Variants in TAFA2 observed in about 807,000 individuals in gnomAD.
TAFA2 encodes chemokine-like protein TAFA-2.
In TAFA2, 7 loss-of-function variants were observed where a neutral mutation model predicts 18.8. The ratio of observed to expected loss-of-function variants is 0.37; its 90% CI spans 0.21 to 0.70. The LOEUF (loss-of-function observed/expected upper bound fraction) is 0.70, where lower values mean the gene tolerates loss of function less well. Ranked by LOEUF, TAFA2 falls within the 30% of genes least tolerant of loss-of-function variation. TAFA2 has a pLI of 0.53. For missense variants in TAFA2, 122 were observed against 158.1 expected (o/e 0.77, Z 1.23); for synonymous variants, 60 against 54.2 (o/e 1.11, Z -0.47).
At chr12:61,879,896 G>C in intron 1 of TAFA2, 1 of 913,886 alleles carries the variant, frequency 1.1e-6, no homozygotes, top group Non-Finnish European at 1.8e-6. Context: ...GATGGAGAAT[G>C]AATTTGTCCT....
intron 1 of TAFA2, among the ~76,000 whole-genome samples, chr12:62,060,335 G>T (rs1182968532): frequency 6.6e-6 from 1 of 152,128 alleles, no homozygotes; most frequent in Non-Finnish European, 1.5e-5. Flanking sequence ...GATCATAATG[G>T]AGCTGAAAAT....
chr12:62,040,069 TACC>T (rs1033910467), intron 1 of TAFA2, among the ~76,000 whole-genome samples: 1 of 152,192 alleles, frequency 6.6e-6, no homozygotes, highest in Non-Finnish European at 1.5e-5. Flanking sequence ...ACGTGTATTA[TACC>T]ACTCTGAGAC....
intron 2 of TAFA2, among the ~76,000 whole-genome samples, chr12:61,795,568 C>T (rs1450478101): frequency 6.6e-6 from 1 of 151,500 alleles, no homozygotes; most frequent in African/African-American, 2.4e-5. Context: ...CAACACACAC[C>T]AGGGCCTGTT....
intron 2 of TAFA2, among the ~76,000 whole-genome samples, chr12:61,832,332 TGTG>T (rs1447277880): frequency 6.6e-6 from 1 of 152,032 alleles, no homozygotes; most frequent in East Asian, 1.9e-4. Flanking sequence ...GCCACCACGT[TGTG>T]GTGAACCCAA....
At chr12:61,928,658 T>C (rs757685950) in intron 1 of TAFA2, among the ~76,000 whole-genome samples, 26 of 152,176 alleles carry the variant, frequency 1.7e-4, no homozygotes, top group Non-Finnish European at 3.2e-4. Flanking sequence ...AGCAATCCCA[T>C]TACTGGGTAC....
chr12:61,938,142 T>C (rs1483494380), intron 1 of TAFA2, among the ~76,000 whole-genome samples: 1 of 128,010 alleles, frequency 7.8e-6, no homozygotes, highest in Non-Finnish European at 1.6e-5. Context: ...ATTGCAAAGA[T>C]AAAATACAAT....
chr12:61,821,399 A>G (rs988061858), intron 2 of TAFA2, among the ~76,000 whole-genome samples: 43 of 152,086 alleles, frequency 2.8e-4, no homozygotes, highest in Admixed American at 1.4e-3. Flanking sequence ...ACAATTAAAT[A>G]AAAGTTCTCT....
intron 1 of TAFA2, among the ~76,000 whole-genome samples, chr12:61,928,563 T>G (rs944178214): frequency 6.6e-6 from 1 of 152,238 alleles, no homozygotes; most frequent in East Asian, 1.9e-4. Flanking sequence ...TTTACACTGT[T>G]GTGGGAACGT....
intron 1 of TAFA2, among the ~76,000 whole-genome samples, chr12:62,125,381 CG>C (rs2136885609): frequency 1.3e-5 from 2 of 152,156 alleles, no homozygotes; most frequent in South Asian, 4.1e-4. Context: ...GAAGCTGGCC[CG>C]GCTCTGCCCT....
At chr12:62,234,084 A>T (rs1344690791) in intron 1 of TAFA2, among the ~76,000 whole-genome samples, 1 of 152,178 alleles carries the variant, frequency 6.6e-6, no homozygotes, top group Non-Finnish European at 1.5e-5. Flanking sequence ...CTTACTGTCC[A>T]TGCCATAGTT....
At chr12:62,231,340 C>A (rs1488342892) in intron 1 of TAFA2, among the ~76,000 whole-genome samples, 1 of 151,976 alleles carries the variant, frequency 6.6e-6, no homozygotes, top group Non-Finnish European at 1.5e-5. Flanking sequence ...AAATAATGAC[C>A]TTGTCTCTTT....
intron 4 of TAFA2, among the ~76,000 whole-genome samples, chr12:61,744,633 C>T (rs1868613320): frequency 2.6e-5 from 4 of 152,056 alleles, no homozygotes; most frequent in Admixed American, 2.6e-4. Flanking sequence ...TGGCTTACTG[C>T]AGCCTCAACC....
chr12:62,223,249 G>C (rs1017216174), intron 1 of TAFA2, among the ~76,000 whole-genome samples: 6 of 152,130 alleles, frequency 3.9e-5, no homozygotes, highest in Admixed American at 2.0e-4. Context: ...TCATGGCTCA[G>C]CTCACTGAAG....
chr12:62,215,000 C>T (rs1017515231), intron 1 of TAFA2, among the ~76,000 whole-genome samples: 2 of 152,188 alleles, frequency 1.3e-5, no homozygotes, highest in Non-Finnish European at 1.5e-5. Context: ...TGCACCAATT[C>T]TGAGACCCAC....
chr12:62,130,682 G>A (rs1243948662), intron 1 of TAFA2, among the ~76,000 whole-genome samples: 2 of 151,900 alleles, frequency 1.3e-5, no homozygotes, highest in Non-Finnish European at 2.9e-5. Context: ...TCCACACATA[G>A]ATCTATATTA....
intron 1 of TAFA2, among the ~76,000 whole-genome samples, chr12:61,947,200 C>T (rs1454568638): frequency 3.4e-5 from 5 of 146,928 alleles, no homozygotes; most frequent in Admixed American, 6.9e-5. Context: ...AGTAAACTAT[C>T]GCAAGGACAA....
chr12:62,008,606 C>T (rs750060764), intron 1 of TAFA2, among the ~76,000 whole-genome samples: 3 of 152,138 alleles, frequency 2.0e-5, no homozygotes, highest in Non-Finnish European at 4.4e-5. Context: ...AATATTACTA[C>T]TATAACACCC....
intron 1 of TAFA2, among the ~76,000 whole-genome samples, chr12:62,009,752 AC>A (rs1222873365): frequency 6.6e-6 from 1 of 152,202 alleles, no homozygotes; most frequent in African/African-American, 2.4e-5. Flanking sequence ...TATTCTGAAA[AC>A]TTGTGACACA....
intron 2 of TAFA2, among the ~76,000 whole-genome samples, chr12:61,781,348 G>A (rs1216416653): frequency 1.3e-5 from 2 of 151,670 alleles, no homozygotes; most frequent in Admixed American, 1.3e-4. Flanking sequence ...CTCCAACTGG[G>A]CTAAGATTAA....
Sources: gnomAD v4.1 joint callset for allele counts (sites outside exome capture counted in the v4.1 genomes callset) on GRCh38, gnomAD v4.1.1 for gene constraint, MANE v1.5 for transcripts, NCBI Gene and HGNC (gene_info 2026-07-23, HGNC 2026-07-21) for gene names.